Variants in EXOC6B observed in about 807,000 individuals in gnomAD.
The protein encoded by EXOC6B is exocyst complex component 6B.
A neutral mutation model predicts 113.5 loss-of-function variants in EXOC6B; 54 were observed. The observed-to-expected ratio is 0.48, with a 90% confidence interval of 0.38 to 0.60. The LOEUF (loss-of-function observed/expected upper bound fraction) is 0.60, where lower values mean the gene tolerates loss of function less well. Among genes scored for constraint, EXOC6B ranks in the 20% least tolerant of loss-of-function variants. The pLI, the probability that EXOC6B is intolerant of heterozygous loss-of-function variation, is 0.00. For synonymous variants in EXOC6B, 357 were observed against 339.0 expected (o/e 1.05, Z -0.58); for missense variants, 797 against 977.5 (o/e 0.82, Z 2.46).
Position 72,655,944 on chromosome 2 carries a change from C to A in EXOC6B, c.669+62159G>T, listed in dbSNP as rs2104424457. On this transcript the variant is annotated intron_variant, in intron 6 of 21. Coordinates refer to ENST00000272427, the MANE Select transcript of EXOC6B (RefSeq NM_015189.3). ...CAGACCATGTTCCTAGATAGGATGC[C>A]TCTATTGTAAATATGTCAATTAATC... Among the ~76,000 whole-genome samples the A allele has an allele frequency of 1.3e-5, 2 of 152,066 alleles. 1 individual carries two copies. Among genetic ancestry groups the A allele is most frequent in the Admixed American group, 1.3e-4 (2 of 15,284 alleles).
intron 7 of EXOC6B, among the ~76,000 whole-genome samples, chr2:72,572,602 A>G (rs1704585187): frequency 6.6e-6 from 1 of 152,226 alleles, no homozygotes. Flanking sequence ...TACCATGCTT[A>G]CAGATTAAAA....
intron 6 of EXOC6B, among the ~76,000 whole-genome samples, chr2:72,705,120 C>T (rs1382057352): frequency 2.0e-5 from 3 of 151,120 alleles, no homozygotes; most frequent in Admixed American, 6.6e-5. Context: ...CATCAAAAAG[C>T]TTATCCACCA....
At chr2:72,602,727 G>A (rs1312425210) in intron 6 of EXOC6B, among the ~76,000 whole-genome samples, 1 of 152,084 alleles carries the variant, frequency 6.6e-6, no homozygotes, top group Non-Finnish European at 1.5e-5. Flanking sequence ...ATTGACTTCT[G>A]CTAACATATC....
intron 19 of EXOC6B, among the ~76,000 whole-genome samples, chr2:72,354,746 C>G (rs1288206156): frequency 6.6e-6 from 1 of 152,074 alleles, no homozygotes; most frequent in Non-Finnish European, 1.5e-5. Flanking sequence ...TTTGAATGGC[C>G]AGGAGGGCTT....
chr2:72,571,916 A>C (rs563712333), intron 7 of EXOC6B, among the ~76,000 whole-genome samples: 4 of 152,314 alleles, frequency 2.6e-5, no homozygotes, highest in African/African-American at 9.6e-5. Context: ...TAATAGCCTT[A>C]AAATGTTATT....
chr2:72,704,616 A>C (rs1678708317), intron 6 of EXOC6B, among the ~76,000 whole-genome samples: 1 of 152,292 alleles, frequency 6.6e-6, no homozygotes, highest in South Asian at 2.1e-4. Context: ...GAAGAATCAA[A>C]TAGACGCAAT....
chr2:72,545,471 T>C (rs550471617), intron 8 of EXOC6B, among the ~76,000 whole-genome samples: 8 of 152,300 alleles, frequency 5.3e-5, no homozygotes, highest in Admixed American at 2.6e-4. Context: ...TACACTAAAT[T>C]TGTTTGTTAT....
At chr2:72,210,823 T>C (rs1299054849) in intron 20 of EXOC6B, among the ~76,000 whole-genome samples, 2 of 152,204 alleles carry the variant, frequency 1.3e-5, no homozygotes, top group East Asian at 3.9e-4. Context: ...CCTTGTTTCC[T>C]CAGCAAAGCA....
At chr2:72,520,130 G>A (rs2105711067) in intron 8 of EXOC6B, among the ~76,000 whole-genome samples, 1 of 152,254 alleles carries the variant, frequency 6.6e-6, no homozygotes, top group South Asian at 2.1e-4. Flanking sequence ...TAGGATGCAA[G>A]CTCCATGAGA....
chr2:72,324,802 T>C (rs2104842326), intron 20 of EXOC6B, among the ~76,000 whole-genome samples: 1 of 152,174 alleles, frequency 6.6e-6, no homozygotes, highest in Middle Eastern at 3.4e-3. Flanking sequence ...TTTCTGATGC[T>C]TGAGGGGTTG....
intron 18 of EXOC6B, among the ~76,000 whole-genome samples, chr2:72,459,612 C>T (rs2105392111): frequency 6.6e-6 from 1 of 152,196 alleles, no homozygotes; most frequent in South Asian, 2.1e-4. Context: ...ACAATTGCTT[C>T]AAGGAGAATA....
At chr2:72,466,629 T>A (rs1038333216) in intron 17 of EXOC6B, among the ~76,000 whole-genome samples, 1 of 152,298 alleles carries the variant, frequency 6.6e-6, no homozygotes, top group Admixed American at 6.5e-5. Context: ...TGTTTACTAA[T>A]GTGAACAATG....
intron 6 of EXOC6B, among the ~76,000 whole-genome samples, chr2:72,579,813 TAAG>T (rs2103853510): frequency 6.6e-6 from 1 of 152,218 alleles, no homozygotes; most frequent in East Asian, 1.9e-4. Context: ...ACCTTTAGAA[TAAG>T]AAACTAGTTG....
intron 20 of EXOC6B, among the ~76,000 whole-genome samples, chr2:72,257,905 G>A (rs531030999): frequency 6.6e-5 from 10 of 152,058 alleles, no homozygotes; most frequent in Non-Finnish European, 1.3e-4. Flanking sequence ...GGAGTTAAAT[G>A]GGCACAGAAA....
At chr2:72,803,593 A>T (rs1332112229) in intron 1 of EXOC6B, among the ~76,000 whole-genome samples, 2 of 152,224 alleles carry the variant, frequency 1.3e-5, no homozygotes, top group Non-Finnish European at 2.9e-5. Context: ...TGCTGTCAGT[A>T]TTAAAATAAG....
chr2:72,597,913 C>A (rs1344857425), intron 6 of EXOC6B, among the ~76,000 whole-genome samples: 1 of 151,764 alleles, frequency 6.6e-6, no homozygotes, highest in Non-Finnish European at 1.5e-5. Flanking sequence ...TGGGTATGCA[C>A]CTAACAACAG....
intron 1 of EXOC6B, among the ~76,000 whole-genome samples, chr2:72,786,427 A>T (rs1277656705): frequency 6.6e-6 from 1 of 152,200 alleles, no homozygotes; most frequent in Non-Finnish European, 1.5e-5. Context: ...CCTTTCAAAA[A>T]CCTCAAAAAC....
intron 6 of EXOC6B, among the ~76,000 whole-genome samples, chr2:72,708,881 C>T (rs1464526282): frequency 1.3e-5 from 2 of 149,516 alleles, no homozygotes; most frequent in East Asian, 4.0e-4. Flanking sequence ...AGGCTTGTGC[C>T]ACCACATCCA....
intron 6 of EXOC6B, among the ~76,000 whole-genome samples, chr2:72,708,424 T>G (rs1488989448): frequency 6.6e-6 from 1 of 152,224 alleles, no homozygotes; most frequent in Non-Finnish European, 1.5e-5. Flanking sequence ...TATACGAGTT[T>G]TGACAAATGC....
Sources: allele counts gnomAD v4.1 joint callset (sites outside exome capture counted in the v4.1 genomes callset), GRCh38; gene constraint gnomAD v4.1.1; transcripts MANE v1.5; gene names NCBI Gene and HGNC (gene_info 2026-07-23, HGNC 2026-07-21).